Variants in GPM6A observed in about 807,000 individuals in gnomAD.
GPM6A encodes neuronal membrane glycoprotein M6-a.
GPM6A carries 7 observed loss-of-function variants against 32.1 expected under a neutral mutation model. That is an observed-to-expected ratio of 0.22 (90% CI 0.12 to 0.41). The LOEUF (loss-of-function observed/expected upper bound fraction) is 0.41. Ranked by LOEUF, GPM6A falls within the 10% of genes least tolerant of loss-of-function variation. GPM6A has a pLI of 1.00. For missense variants in GPM6A, 235 were observed against 347.2 expected (o/e 0.68, Z 2.57); for synonymous variants, 130 against 123.4 (o/e 1.05, Z -0.35).
upstream of GPM6A, chr4:175,812,301 GTTTTT>G: frequency 7.6e-6 from 6 of 793,064 alleles, no homozygotes; most frequent in East Asian, 1.8e-4. Context: ...AAAACTGGGG[GTTTTT>G]TTTTTTTTTT....
intron 1 of GPM6A, chr4:175,891,555 A>C (rs1430818191): frequency 1.3e-5 from 2 of 152,236 alleles, no homozygotes; most frequent in Non-Finnish European, 2.9e-5. Context: ...TCCATCATCG[A>C]AATGTACCGA....
intron 1 of GPM6A, among the ~76,000 whole-genome samples, chr4:175,834,966 G>T (rs1157755843): frequency 6.6e-6 from 1 of 152,128 alleles, no homozygotes; most frequent in Non-Finnish European, 1.5e-5. Context: ...AACTAACTAC[G>T]CTGCCTTTAT....
chr4:175,704,174 C>A (rs977648028), intron 1 of GPM6A, among the ~76,000 whole-genome samples: 1 of 152,046 alleles, frequency 6.6e-6, no homozygotes, highest in African/African-American at 2.4e-5. Context: ...CTGAACTGGC[C>A]TTCTTGACAA....
chr4:175,721,207 G>A (rs1229551448), intron 1 of GPM6A, among the ~76,000 whole-genome samples: 1 of 148,424 alleles, frequency 6.7e-6, no homozygotes, highest in Non-Finnish European at 1.5e-5. Context: ...CAGGCACAGT[G>A]GCTCATGCCT....
intron 1 of GPM6A, among the ~76,000 whole-genome samples, chr4:175,958,300 T>G (rs1419485258): frequency 6.6e-6 from 1 of 152,212 alleles, no homozygotes; most frequent in Non-Finnish European, 1.5e-5. Context: ...ACCTTCAAAG[T>G]ACTTTTTAAA....
chr4:175,706,701 T>C (rs1175148687), intron 1 of GPM6A, among the ~76,000 whole-genome samples: 2 of 152,182 alleles, frequency 1.3e-5, no homozygotes, highest in East Asian at 3.9e-4. Context: ...AGCAACTCCA[T>C]CTTGAATAGG....
rs1273671850 is a variant in GPM6A at position 175,827,270 on chromosome 4, A to ATT, written c.-22-15022_-22-15021insAA. 4.6e-5 allele frequency among the ~76,000 whole-genome samples: 7 copies of ATT among 152,362 alleles called. No homozygotes were observed. In the East Asian group the frequency reaches 1.3e-3, roughly 29 times the overall value. ...TGTCAACTATATTTAGTAGCTCAGT[A>ATT]AGACCACCCGATATAACTCATGTAA... On this transcript the variant is annotated intron_variant, in intron 1 of 7. Coordinates refer to the GPM6A transcript ENST00000280187.
At chr4:175,734,580 T>A (rs1003207282) in intron 1 of GPM6A, among the ~76,000 whole-genome samples, 3 of 151,102 alleles carry the variant, frequency 2.0e-5, no homozygotes, top group African/African-American at 4.8e-5. Context: ...AAAAAAAAAA[T>A]GCTATATAAT....
intron 3 of GPM6A, among the ~76,000 whole-genome samples, chr4:175,658,336 C>T (rs1236404324): frequency 2.0e-5 from 3 of 150,522 alleles, no homozygotes; most frequent in South Asian, 2.1e-4. Context: ...CATTCACTTA[C>T]TGTGTAGTTT....
At chr4:175,993,984 T>C (rs535393212) in intron 1 of GPM6A, among the ~76,000 whole-genome samples, 2 of 152,340 alleles carry the variant, frequency 1.3e-5, no homozygotes, top group African/African-American at 4.8e-5. Flanking sequence ...TTCACATTCC[T>C]TTTCCAATTT....
intron 1 of GPM6A, among the ~76,000 whole-genome samples, chr4:175,865,463 A>G (rs938697097): frequency 1.3e-5 from 2 of 152,220 alleles, no homozygotes; most frequent in African/African-American, 4.8e-5. Context: ...ATTTCTACAA[A>G]AAATCTGAGT....
intron 1 of GPM6A, among the ~76,000 whole-genome samples, chr4:175,785,774 G>C (rs1452368802): frequency 1.3e-5 from 2 of 152,066 alleles, no homozygotes; most frequent in Non-Finnish European, 2.9e-5. Flanking sequence ...TGTATATAAA[G>C]ACAAATAAGA....
chr4:175,864,700 T>C (rs1736676794), intron 1 of GPM6A, among the ~76,000 whole-genome samples: 1 of 152,220 alleles, frequency 6.6e-6, no homozygotes, highest in Non-Finnish European at 1.5e-5. Context: ...GGGCATACTA[T>C]TCATGTAATC....
intron 1 of GPM6A, among the ~76,000 whole-genome samples, chr4:175,950,548 C>G (rs1006509018): frequency 3.3e-5 from 5 of 152,182 alleles, no homozygotes; most frequent in Non-Finnish European, 5.9e-5. Flanking sequence ...GTTATTGAAA[C>G]GTGCTTCAAA....
intron 4 of GPM6A, among the ~76,000 whole-genome samples, chr4:175,646,808 G>A (rs1433558441): frequency 6.6e-6 from 1 of 152,140 alleles, no homozygotes. Context: ...TAGACAATGA[G>A]ATGCCAGACT....
At chr4:175,665,610 CCT>C (rs1391771255) in intron 3 of GPM6A, among the ~76,000 whole-genome samples, 7 of 151,690 alleles carry the variant, frequency 4.6e-5, no homozygotes, top group African/African-American at 1.7e-4. Context: ...ATGATGAAAA[CCT>C]ATGTCTACCA....
At chr4:175,789,931 T>C (rs1391976807) in intron 1 of GPM6A, among the ~76,000 whole-genome samples, 1 of 152,208 alleles carries the variant, frequency 6.6e-6, no homozygotes, top group Non-Finnish European at 1.5e-5. Context: ...TTGCCATTGA[T>C]AGCAAATATA....
intron 1 of GPM6A, among the ~76,000 whole-genome samples, chr4:175,874,664 G>C (rs1167387075): frequency 6.6e-6 from 1 of 152,186 alleles, no homozygotes; most frequent in Non-Finnish European, 1.5e-5. Flanking sequence ...AAAGTCATGA[G>C]AAAAGAGAGG....
chr4:175,645,629 G>A (rs1227349647), intron 4 of GPM6A, among the ~76,000 whole-genome samples: 1 of 152,164 alleles, frequency 6.6e-6, no homozygotes, highest in African/African-American at 2.4e-5. Flanking sequence ...GCTGAGGCAG[G>A]AGAATTGCTT....
Sources: allele counts gnomAD v4.1 joint callset (sites outside exome capture counted in the v4.1 genomes callset), GRCh38; gene constraint gnomAD v4.1.1; transcripts MANE v1.5; gene names NCBI Gene and HGNC (gene_info 2026-07-23, HGNC 2026-07-21).